Variants in WDFY2 observed in about 807,000 individuals in gnomAD.
WDFY2 encodes WD repeat and FYVE domain-containing protein 2.
A neutral mutation model predicts 56.4 loss-of-function variants in WDFY2; 36 were observed. The observed-to-expected ratio is 0.64, with a 90% CI of 0.49 to 0.84. The LOEUF (loss-of-function observed/expected upper bound fraction) is 0.84, where lower values mean the gene tolerates loss of function less well. Ranked by LOEUF, WDFY2 falls within the 40% of genes least tolerant of loss-of-function variation. WDFY2 has a pLI of 0.00. For synonymous variants in WDFY2, 176 were observed against 183.7 expected (o/e 0.96, Z 0.34); for missense variants, 444 against 512.2 (o/e 0.87, Z 1.29).
intron 1 of WDFY2, among the ~76,000 whole-genome samples, chr13:51,655,197 C>A (rs927283932): frequency 2.0e-5 from 3 of 152,112 alleles, no homozygotes; most frequent in Non-Finnish European, 4.4e-5. Context: ...CCTTTTATTT[C>A]TTTTATTTGG....
rs188226790 is a variant in WDFY2, at chr13:51,651,917, C to T, written c.138-8679C>T. Among the ~76,000 whole-genome samples, 130 of 152,176 alleles carry T rather than the reference C, an allele frequency of 8.5e-4. 1 individual carries two copies. In the East Asian group the frequency reaches 0.018, roughly 21 times the overall value. On this transcript the variant is annotated intron_variant, in intron 1 of 11. Coordinates refer to ENST00000298125, the MANE Select transcript of WDFY2 (RefSeq NM_052950.4). ...GAATTCTGTAGATGTCTATTAGGTCCGCTTGGTGCAGAGCTGAGTTCAATT... is the reference window on the plus strand; with the variant it reads ...GAATTCTGTAGATGTCTATTAGGTCTGCTTGGTGCAGAGCTGAGTTCAATT...
intron 2 of WDFY2, among the ~76,000 whole-genome samples, chr13:51,668,475 T>A (rs370151698): frequency 6.6e-6 from 1 of 152,202 alleles, no homozygotes; most frequent in Non-Finnish European, 1.5e-5. Context: ...AAAATACTTT[T>A]TAGTGCTAGA....
chr13:51,645,375 C>T (rs772133179), intron 1 of WDFY2, among the ~76,000 whole-genome samples: 1 of 152,030 alleles, frequency 6.6e-6, no homozygotes, highest in East Asian at 1.9e-4. Context: ...ACAATTGTCC[C>T]CTGGGAAATG....
intron 1 of WDFY2, among the ~76,000 whole-genome samples, chr13:51,645,945 A>ACATT (rs1305401478): frequency 6.6e-6 from 1 of 152,204 alleles, no homozygotes; most frequent in African/African-American, 2.4e-5. Context: ...GATGAACTCA[A>ACATT]CATTGCCTTC....
At chr13:51,727,580 TG>T in intron 5 of WDFY2, 97 bp from the exon 6 acceptor site, 1 of 1,107,488 alleles carries the variant, frequency 9.0e-7, no homozygotes, top group Non-Finnish European at 1.3e-6. Context: ...TTTCCTCAGA[TG>T]GGATTTGCGT....
chr13:51,720,509 T>A (rs1033038400), intron 5 of WDFY2, among the ~76,000 whole-genome samples: 2 of 152,226 alleles, frequency 1.3e-5, no homozygotes, highest in African/African-American at 4.8e-5. Context: ...AGCATAATAC[T>A]TAAGTTGAAA....
At chr13:51,705,756 T>A (rs1952070315) in intron 4 of WDFY2, among the ~76,000 whole-genome samples, 2 of 152,194 alleles carry the variant, frequency 1.3e-5, no homozygotes, top group Admixed American at 1.3e-4. Context: ...TTAGTTATTT[T>A]AAAATGTATT....
At chr13:51,740,261 G>A (rs1952938182) in intron 7 of WDFY2, among the ~76,000 whole-genome samples, 1 of 152,242 alleles carries the variant, frequency 6.6e-6, no homozygotes, top group African/African-American at 2.4e-5. Context: ...TCATGTTGGA[G>A]AACAGAACAG....
chr13:51,650,596 C>T (rs1296338074), intron 1 of WDFY2, among the ~76,000 whole-genome samples: 1 of 152,118 alleles, frequency 6.6e-6, no homozygotes, highest in Non-Finnish European at 1.5e-5. Context: ...CCATCAATAC[C>T]TAATTTATTG....
rs917430683 is a variant in WDFY2 at position 51,632,189 on chromosome 13, T to A, written c.138-28407T>A. 2.0e-5 allele frequency among the ~76,000 whole-genome samples: 3 copies of A among 152,126 alleles called. No individual in the cohort carries two copies. The South Asian group carries it at 6.2e-4, about 31-fold the overall frequency. On this transcript the variant is annotated intron_variant, in intron 1 of 11. Coordinates refer to ENST00000298125, the MANE Select transcript of WDFY2 (RefSeq NM_052950.4). Reference sequence around the variant, plus strand: ...TTCATCTCATTCATGTTCCTTTTTATTTTTTTAATCTTGGTGGAGGAGCGG... The same window carrying A: ...TTCATCTCATTCATGTTCCTTTTTAATTTTTTAATCTTGGTGGAGGAGCGG...
At chr13:51,589,345 A>ATTTTTTTTCTGCT (rs1555300853) in intron 1 of WDFY2, 2 of 151,618 alleles carry the variant, frequency 1.3e-5, no homozygotes, top group African/African-American at 4.8e-5. Flanking sequence ...AGGGGGTTGG[A>ATTTTTTTTCTGCT]TTTTTTTTCT....
In WDFY2 at chr13:51,765,902, G is replaced by GAA. The variant is rs1380615484; in HGVS notation, c.*6134_*6135dup. On this transcript the variant is annotated 3_prime_UTR_variant, in exon 12 of 12. Coordinates refer to ENST00000298125, the MANE Select transcript of WDFY2 (RefSeq NM_052950.4). ...TCAAGAAGAGTATCTGACTTTCTTGGAAGTGTCAAGAATTGCAGGTTGGCT... is the reference window on the plus strand; with the variant it reads ...TCAAGAAGAGTATCTGACTTTCTTGGAAAAGTGTCAAGAATTGCAGGTTGGCT... 6.6e-6 allele frequency: 1 copy of GAA among 152,092 alleles called. No homozygotes were observed. Among genetic ancestry groups the GAA allele is most frequent in the East Asian group, 1.9e-4 (1 of 5,186 alleles). 9.4% of individuals were successfully genotyped at this position (152,092 alleles called of 1,614,324 possible). A position where few individuals can be genotyped will look rare whatever the true frequency, so the allele number is the denominator to read the frequency against.
intron 1 of WDFY2, among the ~76,000 whole-genome samples, chr13:51,653,488 G>T (rs1476256499): frequency 6.6e-6 from 1 of 152,184 alleles, no homozygotes. Flanking sequence ...CTGATTTTTA[G>T]AATTTTCAGT....
chr13:51,603,169 G>C (rs1210156159), intron 1 of WDFY2, among the ~76,000 whole-genome samples: 3 of 152,134 alleles, frequency 2.0e-5, no homozygotes, highest in African/African-American at 4.8e-5. Context: ...ATTTTTGACT[G>C]CCTTTAAGAA....
intron 1 of WDFY2, among the ~76,000 whole-genome samples, chr13:51,617,439 A>C (rs1409102941): frequency 6.6e-6 from 1 of 152,030 alleles, no homozygotes; most frequent in Non-Finnish European, 1.5e-5. Flanking sequence ...TCCTGGGTTC[A>C]AGCGAGAATT....
chr13:51,677,175 G>A (rs972004937), intron 3 of WDFY2, among the ~76,000 whole-genome samples: 3 of 152,150 alleles, frequency 2.0e-5, no homozygotes, highest in African/African-American at 7.2e-5. Context: ...ATCAGTCAGG[G>A]TCCATCTTTC....
intron 3 of WDFY2, among the ~76,000 whole-genome samples, chr13:51,675,913 A>G (rs1955878601): frequency 6.6e-6 from 1 of 152,212 alleles, no homozygotes. Context: ...TAGTATATTA[A>G]CTAATAACAA....
chr13:51,695,565 A>T (rs149827776), intron 3 of WDFY2, among the ~76,000 whole-genome samples: 1 of 152,100 alleles, frequency 6.6e-6, no homozygotes, highest in East Asian at 1.9e-4. Context: ...AGGAGTACCC[A>T]GCTGTGTGAG....
At chr13:51,756,007 C>T (rs1593482232) in intron 9 of WDFY2, among the ~76,000 whole-genome samples, 1 of 151,782 alleles carries the variant, frequency 6.6e-6, no homozygotes, top group South Asian at 2.1e-4. Context: ...ACGGCAGTTT[C>T]TCAGACACCC....
Sources: allele counts gnomAD v4.1 joint callset (sites outside exome capture counted in the v4.1 genomes callset), GRCh38; gene constraint gnomAD v4.1.1; transcripts MANE v1.5; gene names NCBI Gene and HGNC (gene_info 2026-07-23, HGNC 2026-07-21).